The following MS4A12 variants were observed in gnomAD, a reference collection of about 807,000 sequenced individuals.
The protein encoded by MS4A12 is membrane spanning 4-domains A12, also known as membrane-spanning 4-domains subfamily A member 12.
A neutral mutation model predicts 23.7 loss-of-function variants in MS4A12; 28 were observed. The observed-to-expected ratio is 1.18, with a 90% CI of 0.88 to 1.62. The LOEUF (loss-of-function observed/expected upper bound fraction) is 1.62. Among genes scored for constraint, MS4A12 ranks in the 40% most tolerant of loss-of-function variants. The pLI is 0.00. For missense variants in MS4A12, 342 were observed against 327.0 expected, an observed-to-expected ratio of 1.05 and a Z score of -0.35; for synonymous variants, 108 against 110.1, an observed-to-expected ratio of 0.98 and a Z score of 0.12.
At chr11:60,497,633 G>A (rs1171145291) in intron 2 of MS4A12, 39 bp downstream of exon 2, 1 of 1,599,206 alleles carries the variant, frequency 6.3e-7, no homozygotes. Context: ...TTTCACATTT[G>A]CAAGGTCTTC....
Position 60,501,967 on chromosome 11 carries a change from T to A in MS4A12, c.415-16T>A, listed in dbSNP as rs2086533615. Reference sequence around the variant, plus strand: ...CAGTTAACCCATTTCACAAATAAATTTGTCCATTTCCACAGTTTATTATCT... The same window carrying A: ...CAGTTAACCCATTTCACAAATAAATATGTCCATTTCCACAGTTTATTATCT... On this transcript the variant is annotated splice_polypyrimidine_tract_variant and intron_variant, in intron 3 of 6. Coordinates refer to ENST00000016913, the MANE Select transcript of MS4A12 (RefSeq NM_017716.3). 1 of 1,603,504 alleles carries A rather than the reference T, an allele frequency of 6.2e-7. No homozygotes were observed.
chr11:60,494,977 T>C (rs2086476824), intron 1 of MS4A12, among the ~76,000 whole-genome samples: 1 of 149,104 alleles, frequency 6.7e-6, no homozygotes, highest in Admixed American at 6.9e-5. Context: ...TAAACTTTTG[T>C]GGGCTCAAAT....
At chr11:60,500,455 A>G (rs1029596395) in intron 2 of MS4A12, among the ~76,000 whole-genome samples, 3 of 152,192 alleles carry the variant, frequency 2.0e-5, no homozygotes, top group East Asian at 1.9e-4. Flanking sequence ...TCAGCAGTCA[A>G]TGTGCTGCAG....
In MS4A12 at chr11:60,501,060, G is replaced by C; in HGVS notation, c.292G>C (p.Val98Leu). The part of the protein sequence containing the change: ...AKALGVIQIM[V>L]GLMHIGFGIV... ...CTTTTTTCAGGTGATCCAGATCATGGTTGGATTGATGCACATTGGTTTTGG... is the reference window on the plus strand; with the variant it reads ...CTTTTTTCAGGTGATCCAGATCATGCTTGGATTGATGCACATTGGTTTTGG... The change falls in exon 3 of 7, where the codon GTT (valine) becomes CTT (leucine). Residue 98 changes from valine to leucine, a missense_variant. By Grantham distance (32) the Val-to-Leu change is conservative. Transcript: ENST00000016913. 6.2e-7 allele frequency: 1 copy of C among 1,608,106 alleles called. No individual in the cohort carries two copies. The highest frequency in any genetic ancestry group is 8.5e-7 in the Non-Finnish European group (1 of 1,178,114).
In MS4A12 at chr11:60,506,758, A is replaced by T. The variant is rs1337891485; in HGVS notation, c.619A>T (p.Met207Leu). The stretch of plus-strand genomic sequence containing the variant: ...TGGAAAAGGCATTTCAGCCACGCTG[A>T]TGATCTTCTCCCTCTTGGAGTTCTT... ...LSGKGISATLMIFSLLEFFVA... is the reference protein window; with the variant it reads ...LSGKGISATLLIFSLLEFFVA... Residue 207 changes from methionine (M) to leucine (L), a missense_variant, in exon 6 of 7, where the codon ATG (methionine) becomes TTG (leucine). Met to Leu is a conservative substitution (Grantham distance 15). Coordinates refer to ENST00000016913, the MANE Select transcript of MS4A12 (RefSeq NM_017716.3). 2 of 1,614,176 alleles carry T rather than the reference A, an allele frequency of 1.2e-6. No homozygotes were observed. Among genetic ancestry groups the T allele is most frequent in the Non-Finnish European group, 1.7e-6 (2 of 1,180,010 alleles).
intron 1 of MS4A12, 71 bp from the exon 2 acceptor site, chr11:60,497,242 C>A: frequency 6.8e-7 from 1 of 1,465,148 alleles, no homozygotes; most frequent in South Asian, 1.3e-5. Flanking sequence ...TGACATTTGA[C>A]ATTTGGTAAG....
intron 1 of MS4A12, among the ~76,000 whole-genome samples, chr11:60,494,275 T>C (rs947296393): frequency 6.6e-6 from 1 of 152,330 alleles, no homozygotes; most frequent in African/African-American, 2.4e-5. Context: ...TTTACAGATC[T>C]TAGTCCAGAA....
At chr11:60,498,676 G>A (rs375504872) in intron 2 of MS4A12, among the ~76,000 whole-genome samples, 3 of 152,274 alleles carry the variant, frequency 2.0e-5, no homozygotes, top group South Asian at 2.1e-4. Context: ...AGAAGGTGTC[G>A]AATGATATAG....
chr11:60,501,952 A>G, intron 3 of MS4A12, 31 bp from the exon 4 acceptor site: 1 of 1,580,280 alleles, frequency 6.3e-7, no homozygotes, highest in Non-Finnish European at 8.7e-7. Context: ...CAGTTAACCC[A>G]TTTCACAAAT....
rs78762845 is a variant in MS4A12 at position 60,500,997 on chromosome 11, C to T, written c.277-48C>T. The stretch of plus-strand genomic sequence containing the variant: ...GCAGCAATGACAGTAATGTTTCACA[C>T]GTCTGAAAGTGAAGAAGTAATTTTA... On this transcript the variant is annotated intron_variant, in intron 2 of 6. Coordinates refer to ENST00000016913, the MANE Select transcript of MS4A12 (RefSeq NM_017716.3). 3.3e-3 allele frequency: 5,198 copies of T among 1,554,044 alleles called. 173 individuals are homozygous for T. The African/African-American group carries it at 0.063, about 19-fold the overall frequency.
At chr11:60,495,254 G>A (rs773572974) in intron 1 of MS4A12, among the ~76,000 whole-genome samples, 14 of 151,190 alleles carry the variant, frequency 9.3e-5, no homozygotes, top group East Asian at 1.9e-4. Flanking sequence ...TGCCCGCCTC[G>A]GCCTCCTAAA....
intron 5 of MS4A12, among the ~76,000 whole-genome samples, chr11:60,505,589 GA>G (rs59655294): frequency 1.3e-5 from 2 of 151,946 alleles, no homozygotes; most frequent in East Asian, 1.9e-4. Context: ...ACTCAAAGCT[GA>G]AAAAAAGCAC....
rs1268229283 is a variant in MS4A12, at chr11:60,495,041, G to A, written c.-7+2213G>A. 2.0e-5 allele frequency among the ~76,000 whole-genome samples: 3 copies of A among 149,730 alleles called. No homozygotes were observed. The East Asian group carries it at 5.9e-4, about 29-fold the overall frequency. On this transcript the variant is annotated intron_variant, in intron 1 of 6. Transcript: ENST00000016913. Reference sequence around the variant, plus strand: ...GGAGTCTCGCTCTGTCACCCAGGTTGGAGTGCAGTGGCACGATCTCGGCTC... The same window carrying A: ...GGAGTCTCGCTCTGTCACCCAGGTTAGAGTGCAGTGGCACGATCTCGGCTC...
chr11:60,497,432 C>T lies in MS4A12; in HGVS notation c.114C>T (p.Asn38=). ...PGFQQPLGSI[N]LENQAQGAQR... is the part of the protein sequence containing the mutation. Reference sequence around the variant, plus strand: ...TTCAACAGCCTCTGGGTTCAATCAACTTAGAAAACCAAGCTCAGGGTGCTC... The same window carrying T: ...TTCAACAGCCTCTGGGTTCAATCAATTTAGAAAACCAAGCTCAGGGTGCTC... The change falls in exon 2 of 7, where the codon AAC becomes AAT. Residue 38 remains asparagine (N), a synonymous_variant. Transcript: ENST00000016913. 6.2e-7 allele frequency: 1 copy of T among 1,614,208 alleles called. No homozygotes were observed. Among genetic ancestry groups the T allele is most frequent in the Non-Finnish European group, 8.5e-7 (1 of 1,180,038 alleles).
intron 5 of MS4A12, among the ~76,000 whole-genome samples, chr11:60,506,320 C>T (rs1407661345): frequency 1.3e-5 from 2 of 152,066 alleles, no homozygotes; most frequent in African/African-American, 4.8e-5. Flanking sequence ...TGCCTTTTCC[C>T]TGTACACAGA....
intron 1 of MS4A12, among the ~76,000 whole-genome samples, chr11:60,494,468 A>C (rs926306225): frequency 1.8e-4 from 28 of 152,236 alleles, no homozygotes; most frequent in African/African-American, 6.3e-4. Context: ...AAAGCTCAAA[A>C]AAATTCTTGT....
chr11:60,503,697 T>G lies in MS4A12; in HGVS notation c.472-4T>G. On this transcript the variant is annotated splice_polypyrimidine_tract_variant and splice_region_variant and intron_variant, in intron 4 of 6. Transcript: ENST00000016913. ...AATTGATTTTTTCCTGCCATCTCCA[T>G]TAGGTGAAAGGCAGCCTGGGAATGA... 6.2e-7 allele frequency: 1 copy of G among 1,608,646 alleles called. No homozygotes were observed. Among genetic ancestry groups the G allele is most frequent in the Non-Finnish European group, 8.5e-7 (1 of 1,176,830 alleles).
chr11:60,497,378 C>T lies in MS4A12; in HGVS notation c.60C>T (p.Tyr20=). 1.9e-6 allele frequency: 3 copies of T among 1,614,166 alleles called. No individual in the cohort carries two copies. Among genetic ancestry groups the T allele is most frequent in the Non-Finnish European group, 2.5e-6 (3 of 1,180,014 alleles). Residue 20 remains tyrosine (Y), a synonymous_variant, in exon 2 of 7, where the codon TAC becomes TAT. Transcript: ENST00000016913. ...TAAATGAAACCATACCCAACCCTTA[C>T]CCACCAAGCAGCTTTATGGCTCCTG... is the stretch of plus-strand genomic sequence containing the variant. ...AEVNETIPNP[Y]PPSSFMAPGF... is the part of the protein sequence containing the mutation.
chr11:60,506,849 T>C lies in MS4A12; in HGVS notation c.699+11T>C. 1 of 1,605,768 alleles carries C rather than the reference T, an allele frequency of 6.2e-7. No individual in the cohort carries two copies. The highest frequency in any genetic ancestry group is 2.2e-5 in the East Asian group (1 of 44,860). ...ACCACAACCAATATGGTGAGTTGGG[T>C]CTCTTCTTTGTAAAATAATCTGAAA... On this transcript the variant is annotated intron_variant, in intron 6 of 6. Coordinates refer to ENST00000016913, the MANE Select transcript of MS4A12 (RefSeq NM_017716.3).
Sources: gnomAD v4.1 joint callset for allele counts (sites outside exome capture counted in the v4.1 genomes callset) on GRCh38, gnomAD v4.1.1 for gene constraint, MANE v1.5 for transcripts, NCBI Gene and HGNC (gene_info 2026-07-23, HGNC 2026-07-21) for gene names.